C13orf42: variants seen among roughly 807,000 people sequenced by gnomAD.
The protein encoded by C13orf42 is chromosome 13 open reading frame 42, also known as uncharacterized protein C13orf42.
At chr13:51,114,505 T>C (rs1953466169), upstream of C13orf42, among the ~76,000 whole-genome samples, 1 of 152,222 alleles carries the variant, frequency 6.6e-6, no homozygotes, top group African/African-American at 2.4e-5. Context: ...ACAGAATTTT[T>C]ATTTCTGGGT....
Position 51,111,200 on chromosome 13 carries a change from T to G in C13orf42, c.10A>C (p.Lys4Gln). ...CTGGAGTTAAAGATGGAGTGGATCT[T>G]TCTGAACATAGTGCTCGATTTCTTT... is the stretch of plus-strand genomic sequence containing the variant. MFR[K>Q]IHSIFNSSPQ... Residue 4 changes from lysine to glutamine, a missense_variant, in exon 1 of 4, where the codon AAG becomes CAG. By Grantham distance (53) the Lys-to-Gln change is moderately conservative. Transcript: ENST00000563710. The G allele has an allele frequency of 2.5e-6, 1 of 398,662 alleles. No homozygotes were observed. Among genetic ancestry groups the G allele is most frequent in the Non-Finnish European group, 4.4e-6 (1 of 226,120 alleles). The allele number at this position is 398,662 out of a possible 1,614,324, so 24.7% of individuals were successfully genotyped here. A position where few individuals can be genotyped will look rare whatever the true frequency, so the allele number is the denominator to read the frequency against.
chr13:51,101,815 A>C (rs1953295787), intron 1 of C13orf42, among the ~76,000 whole-genome samples: 1 of 152,184 alleles, frequency 6.6e-6, no homozygotes, highest in Admixed American at 6.5e-5. Flanking sequence ...ACTGTGTGGA[A>C]TTGTGGATGT....
At chr13:51,135,141 G>T (rs1043320027) in intron 1 of C13orf42, among the ~76,000 whole-genome samples, 2 of 152,346 alleles carry the variant, frequency 1.3e-5, no homozygotes, top group South Asian at 4.1e-4. Flanking sequence ...GTCAGAGGAG[G>T]GAGGAACCAG....
At chr13:51,147,199 T>C (rs1953742012) in intron 1 of C13orf42, among the ~76,000 whole-genome samples, 1 of 151,194 alleles carries the variant, frequency 6.6e-6, no homozygotes, top group African/African-American at 2.4e-5. Flanking sequence ...CATCTACACA[T>C]TGCTCTCAGA....
At chr13:51,114,661 G>GAT (rs1211669416), upstream of C13orf42, among the ~76,000 whole-genome samples, 96 of 102,708 alleles carry the variant, frequency 9.3e-4, no homozygotes, top group Middle Eastern at 8.8e-3. Context: ...TAGACAGACA[G>GAT]ACAGACAGAC....
At chr13:51,099,207 C>T (rs1255556176) in intron 1 of C13orf42, among the ~76,000 whole-genome samples, 2 of 152,094 alleles carry the variant, frequency 1.3e-5, no homozygotes, top group Admixed American at 6.5e-5. Context: ...TATATTACAG[C>T]ACCCAAGGAA....
At chr13:51,170,717 T>C (rs1953942229) in intron 1 of C13orf42, among the ~76,000 whole-genome samples, 2 of 152,166 alleles carry the variant, frequency 1.3e-5, no homozygotes, top group Admixed American at 1.3e-4. Context: ...CACTCACGTT[T>C]CAAGGGTGTC....
intron 1 of C13orf42, among the ~76,000 whole-genome samples, chr13:51,138,106 C>CTGAG (rs1436769712): frequency 6.6e-6 from 1 of 152,162 alleles, no homozygotes; most frequent in Admixed American, 6.5e-5. Flanking sequence ...TGTCCATGAG[C>CTGAG]TGAGGGCAGG....
At position 51,100,513 on chromosome 13, in the gene C13orf42, T is replaced by C. The variant is rs565846862; in HGVS notation, c.414+10283A>G. Among the ~76,000 whole-genome samples the C allele has an allele frequency of 3.3e-5, 5 of 152,138 alleles. 1 individual carries two copies. The South Asian group carries it at 1.0e-3, about 32-fold the overall frequency. Reference sequence around the variant, plus strand: ...AATGTATGAAGACATGAATGAACAATCCACTAAATAAGAAGTATGCATTTT... The same window carrying C: ...AATGTATGAAGACATGAATGAACAACCCACTAAATAAGAAGTATGCATTTT... On this transcript the variant is annotated intron_variant, in intron 1 of 3. Coordinates refer to ENST00000563710, the MANE Select transcript of C13orf42 (RefSeq NM_001351589.3).
At chr13:51,137,924 T>C (rs1176209880) in intron 1 of C13orf42, among the ~76,000 whole-genome samples, 1 of 152,208 alleles carries the variant, frequency 6.6e-6, no homozygotes, top group Non-Finnish European at 1.5e-5. Flanking sequence ...GTGCCATGGA[T>C]GTGCTTTATT....
intron 1 of C13orf42, among the ~76,000 whole-genome samples, chr13:51,125,730 T>C (rs952240093): frequency 2.6e-5 from 4 of 152,226 alleles, no homozygotes; most frequent in East Asian, 3.8e-4. Flanking sequence ...AGCAAATATT[T>C]GCTGGGAGCT....
In C13orf42 at chr13:51,100,041, T is replaced by A. The variant is rs1953271292; in HGVS notation, c.414+10755A>T. Among the ~76,000 whole-genome samples, 4 of 152,196 alleles carry A rather than the reference T, an allele frequency of 2.6e-5. No homozygotes were observed. The South Asian group carries it at 8.3e-4, about 31-fold the overall frequency. ...ATCCACTAAGAGAAGGAATGTACAC[T>A]TTTATATACATGCCAGTTGTCAATA... On this transcript the variant is annotated intron_variant, in intron 1 of 3. Coordinates refer to ENST00000563710, the MANE Select transcript of C13orf42 (RefSeq NM_001351589.3).
chr13:51,171,732 G>C (rs1319731231), intron 1 of C13orf42, among the ~76,000 whole-genome samples: 2 of 152,108 alleles, frequency 1.3e-5, no homozygotes, highest in Non-Finnish European at 2.9e-5. Flanking sequence ...GCATAGTCAA[G>C]GTTAATGCTC....
intron 1 of C13orf42, among the ~76,000 whole-genome samples, chr13:51,095,025 G>A (rs992649143): frequency 3.2e-4 from 48 of 152,144 alleles, no homozygotes; most frequent in Admixed American, 3.9e-4. Flanking sequence ...TGTAAGATGT[G>A]CCTTTGTTTC....
At chr13:51,171,602 C>G (rs1366320285) in intron 1 of C13orf42, among the ~76,000 whole-genome samples, 1 of 152,136 alleles carries the variant, frequency 6.6e-6, no homozygotes, top group African/African-American at 2.4e-5. Context: ...GCTCCTCCAC[C>G]CTATAATCTT....
At chr13:51,113,290 G>A (rs2138006589), upstream of C13orf42, 1 of 152,240 alleles carries the variant, frequency 6.6e-6, no homozygotes, top group Non-Finnish European at 1.5e-5. Flanking sequence ...ACACGAAATG[G>A]ACAGGACATT....
At chr13:51,094,408 T>C (rs1953212517) in intron 1 of C13orf42, among the ~76,000 whole-genome samples, 1 of 152,220 alleles carries the variant, frequency 6.6e-6, no homozygotes, top group African/African-American at 2.4e-5. Flanking sequence ...GTGTTCACGG[T>C]TCCTCTTCCC....
At chr13:51,085,125 A>G (rs1443017484) in intron 3 of C13orf42, among the ~76,000 whole-genome samples, 194 bp downstream of exon 3, 2 of 151,698 alleles carry the variant, frequency 1.3e-5, no homozygotes, top group African/African-American at 4.9e-5. Context: ...ACCAGGCTAG[A>G]GTGCAGACTA....
chr13:51,112,867 T>A (rs1464430300), upstream of C13orf42, among the ~76,000 whole-genome samples: 2 of 152,100 alleles, frequency 1.3e-5, no homozygotes, highest in Admixed American at 6.5e-5. Flanking sequence ...AATGAACTCA[T>A]AAAGTCACCG....
Sources: gnomAD v4.1 joint callset for allele counts (sites outside exome capture counted in the v4.1 genomes callset) on GRCh38, gnomAD v4.1.1 for gene constraint, MANE v1.5 for transcripts, NCBI Gene and HGNC (gene_info 2026-07-23, HGNC 2026-07-21) for gene names.